Variants in TAF1C observed in about 807,000 individuals in gnomAD.
The protein encoded by TAF1C is TATA box-binding protein-associated factor RNA polymerase I subunit C.
TAF1C carries 79 observed loss-of-function variants against 70.5 expected under a neutral mutation model. The observed-to-expected ratio is 1.12, with a 90% CI of 0.93 to 1.35. TAF1C has a LOEUF of 1.35. Among genes scored for constraint, TAF1C ranks in the 40% most tolerant of loss-of-function variants. The pLI is 0.00. For synonymous variants in TAF1C, 614 were observed against 491.1 expected (o/e 1.25, Z -3.31); for missense variants, 1,412 against 1,127.8 (o/e 1.25, Z -3.61).
intron 10 of TAF1C, 36 bp from the exon 11 acceptor site, chr16:84,181,499 G>T: frequency 6.2e-7 from 1 of 1,613,714 alleles, no homozygotes; most frequent in African/African-American, 1.3e-5. Context: ...CAGGGGGACA[G>T]GCTGATGGGG....
Position 84,179,934 on chromosome 16 carries a change from C to A in TAF1C, c.1621+12G>T, listed in dbSNP as rs570039965. Reference sequence around the variant, plus strand: ...ACTGCGCCCCCCAAGCTCACTCCCCCACCCAGCACACCTATGGTCGGTGCT... The same window carrying A: ...ACTGCGCCCCCCAAGCTCACTCCCCAACCCAGCACACCTATGGTCGGTGCT... On this transcript the variant is annotated intron_variant, in intron 14 of 14. Transcript: ENST00000566732. The A allele has an allele frequency of 3.1e-6, 5 of 1,592,176 alleles. No homozygotes were observed. The highest frequency in any genetic ancestry group is 1.1e-5 in the South Asian group (1 of 90,274).
In TAF1C at chr16:84,179,637, C is replaced by T. The variant is rs1189512972; in HGVS notation, c.1836G>A (p.Gln612=). The T allele has an allele frequency of 6.2e-7, 1 of 1,612,512 alleles. No individual in the cohort carries two copies. Among genetic ancestry groups the T allele is most frequent in the South Asian group, 1.1e-5 (1 of 91,050 alleles). The change falls in exon 15 of 15, where the codon CAG becomes CAA. Residue 612 remains glutamine, a synonymous_variant. Transcript: ENST00000566732. ...WTSQDTAGCS[Q]WLKALLKVPL... ...GCACTTTTAGCAGGGCCTTCAGCCA[C>T]TGGCTGCAGCCGGCAGTGTCCTGGG...
At chr16:84,184,288 AC>A (rs769867770) in intron 2 of TAF1C, among the ~76,000 whole-genome samples, 21 of 151,792 alleles carry the variant, frequency 1.4e-4, no homozygotes, top group Non-Finnish European at 2.8e-4. Flanking sequence ...GCCATCCCTG[AC>A]CCCCGTTCCC....
chr16:84,181,718 C>T, intron 9 of TAF1C, 28 bp downstream of exon 9: 1 of 1,613,862 alleles, frequency 6.2e-7, no homozygotes, highest in Non-Finnish European at 8.5e-7. Flanking sequence ...TCCAGCCCCT[C>T]CTCACCGACC....
In TAF1C at chr16:84,179,793, G is replaced by T; in HGVS notation, c.1680C>A (p.Phe560Leu). The T allele has an allele frequency of 6.2e-7, 1 of 1,610,428 alleles. No homozygotes were observed. Among genetic ancestry groups the T allele is most frequent in the East Asian group, 2.2e-5 (1 of 44,838 alleles). Residue 560 changes from phenylalanine (F) to leucine (L), a missense_variant, in exon 15 of 15, where the codon TTC (phenylalanine) becomes TTA (leucine). Transcript: ENST00000566732. The part of the protein sequence containing the change: ...PSAPTPGLVL[F>L]QLSAAGDVFY... ...AGACATCTCCCGCCGCCGAGAGCTG[G>T]AAGAGCACCAGGCCTGGTGTGGGCG...
At position 84,180,831 on chromosome 16, in the gene TAF1C, T is replaced by C. The variant is rs1406794210; in HGVS notation, c.1308+212A>G. ...CACCCCTGGCTGCACCTCGAAGCTC[T>C]ACTAAGGGGAGGCCCTGGGAGAGCT... On this transcript the variant is annotated intron_variant, in intron 12 of 14. Coordinates refer to ENST00000566732, the MANE Select transcript of TAF1C (RefSeq NM_001243156.2). 90 of 1,387,016 alleles carry C rather than the reference T, an allele frequency of 6.5e-5. No homozygotes were observed. The East Asian group carries it at 2.4e-3, about 37-fold the overall frequency. The allele number at this position is 1,387,016 out of a possible 1,614,324, so 85.9% of individuals were successfully genotyped here.
Position 84,183,487 on chromosome 16 carries a change from T to G in TAF1C, c.241A>C (p.Thr81Pro), listed in dbSNP as rs895549795. Residue 81 changes from threonine to proline, a missense_variant, in exon 4 of 15, where the codon ACT (threonine) becomes CCT (proline). Transcript: ENST00000566732. ...CCGCGGAAAAGCAGGTCCCGGGCAG[T>G]CAGGCCAGGGTCCCAGGGATCTGAG... is the stretch of plus-strand genomic sequence containing the variant. ...PLIDPWDPGL[T>P]ARDLLFRGGC... 14 of 1,610,926 alleles carry G rather than the reference T, an allele frequency of 8.7e-6. No individual in the cohort carries two copies. In the Admixed American group the frequency reaches 1.3e-4, roughly 15 times the overall value.
chr16:84,181,254 C>G, intron 11 of TAF1C, 68 bp from the exon 12 acceptor site: 2 of 1,598,130 alleles, frequency 1.3e-6, no homozygotes, highest in Non-Finnish European at 8.6e-7. Flanking sequence ...TCGCCCAGGC[C>G]GCAGCCAGCC....
chr16:84,184,807 G>A (rs1360781308), intron 2 of TAF1C, 44 bp downstream of exon 2: 1 of 1,553,574 alleles, frequency 6.4e-7, no homozygotes. Context: ...ACCCAGGGAA[G>A]GGATGTCCCT....
intron 2 of TAF1C, among the ~76,000 whole-genome samples, chr16:84,184,605 A>AGG (rs1186182517): frequency 6.6e-6 from 1 of 152,276 alleles, no homozygotes; most frequent in East Asian, 1.9e-4. Context: ...CCAGGAAGGG[A>AGG]GGGGTCAACC....
rs202147793 is a variant in TAF1C at position 84,181,680 on chromosome 16, C to A, written c.957-17G>T. On this transcript the variant is annotated splice_polypyrimidine_tract_variant and intron_variant, in intron 9 of 14. Coordinates refer to ENST00000566732, the MANE Select transcript of TAF1C (RefSeq NM_001243156.2). ...AGGTGAGGGCTACAGGGCAGGAATGCATTCACATCGGGCTGCTCAGCCCTG... is the reference window on the plus strand; with the variant it reads ...AGGTGAGGGCTACAGGGCAGGAATGAATTCACATCGGGCTGCTCAGCCCTG... 3.7e-6 allele frequency: 6 copies of A among 1,613,986 alleles called. No individual in the cohort carries two copies. Among genetic ancestry groups the A allele is most frequent in the Non-Finnish European group, 5.1e-6 (6 of 1,179,968 alleles).
intron 2 of TAF1C, among the ~76,000 whole-genome samples, 176 bp downstream of exon 2, chr16:84,184,675 G>A (rs1037250464): frequency 3.3e-5 from 5 of 152,204 alleles, no homozygotes; most frequent in Admixed American, 6.5e-5. Context: ...GGGGGCATCC[G>A]TCTAGGGATG....
rs1470956716 is a variant in TAF1C at position 84,184,894 on chromosome 16, C to T, written c.95G>A (p.Arg32Gln). 6 of 1,612,364 alleles carry T rather than the reference C, an allele frequency of 3.7e-6. No homozygotes were observed. Among genetic ancestry groups the T allele is most frequent in the South Asian group, 1.1e-5 (1 of 90,682 alleles). ...GGCCTCTGGCAGAGTCAGTGCGTCT[C>T]GCCAGCTGCACATGAAAGAGAGGTC... ...VPDLSFMCSW[R>Q]DALTLPEAQP... is the part of the protein sequence containing the mutation. The change falls in exon 2 of 15, where the codon CGA becomes CAA. Residue 32 changes from arginine to glutamine, a missense_variant. Coordinates refer to ENST00000566732, the MANE Select transcript of TAF1C (RefSeq NM_001243156.2).
rs1306204295 is a variant in TAF1C at position 84,177,932 on chromosome 16, A to T, written c.*1009T>A. The T allele has an allele frequency of 1.9e-6, 2 of 1,078,006 alleles. No homozygotes were observed. The highest frequency in any genetic ancestry group is 2.8e-6 in the Non-Finnish European group (2 of 707,374). 66.8% of individuals were successfully genotyped at this position (1,078,006 alleles called of 1,614,324 possible). The stretch of plus-strand genomic sequence containing the variant: ...TTTTAACACCCACGCGAGTCAGTGT[A>T]TGATTGGGCTAGCTCCTGTTTGTGT... On this transcript the variant is annotated 3_prime_UTR_variant, in exon 15 of 15. Coordinates refer to ENST00000566732, the MANE Select transcript of TAF1C (RefSeq NM_001243156.2).
chr16:84,183,867 A>T (rs1162802798), intron 2 of TAF1C, 89 bp from the exon 3 acceptor site: 2 of 961,388 alleles, frequency 2.1e-6, no homozygotes, highest in Admixed American at 2.4e-5. Context: ...TTATCAACTC[A>T]TCCAATCCTC....
Position 84,178,841 on chromosome 16 carries a change from G to T in TAF1C, c.*100C>A, listed in dbSNP as rs948952660. ...TCATCACAGTGGCCTCCAGAAGGTGGCGAGCTCTGCTTCTCAAGTTTCAAC... is the reference window on the plus strand; with the variant it reads ...TCATCACAGTGGCCTCCAGAAGGTGTCGAGCTCTGCTTCTCAAGTTTCAAC... On this transcript the variant is annotated 3_prime_UTR_variant, in exon 15 of 15. Coordinates refer to ENST00000566732, the MANE Select transcript of TAF1C (RefSeq NM_001243156.2). The T allele has an allele frequency of 1.5e-6, 2 of 1,350,584 alleles. No individual in the cohort carries two copies. The highest frequency in any genetic ancestry group is 2.9e-5 in the South Asian group (2 of 68,826). 83.7% of individuals were successfully genotyped at this position (1,350,584 alleles called of 1,614,324 possible).
intron 10 of TAF1C, 23 bp downstream of exon 10, chr16:84,181,569 G>T: frequency 1.2e-6 from 2 of 1,613,908 alleles, no homozygotes; most frequent in East Asian, 2.2e-5. Context: ...TAGGGTGGGG[G>T]GTTTCACAGG....
At chr16:84,183,831 C>G in intron 2 of TAF1C, 53 bp from the exon 3 acceptor site, 1 of 1,415,308 alleles carries the variant, frequency 7.1e-7, no homozygotes, top group Non-Finnish European at 9.8e-7. Flanking sequence ...CCTCCCTGGG[C>G]CAGGCTGTGC....
In TAF1C at chr16:84,185,248, G is replaced by A. The variant is rs563510265; in HGVS notation, c.-72-188C>T. ...AGCAAAGCCAGCCAGGAAAAGCCTC[G>A]TTGAGAAGGTGGCGTTTGAGCACAG... On this transcript the variant is annotated intron_variant, in intron 1 of 14. Transcript: ENST00000566732. 10 of 372,696 alleles carry A rather than the reference G, an allele frequency of 2.7e-5. No homozygotes were observed. In the Admixed American group the frequency reaches 3.1e-4, roughly 12 times the overall value. 23.1% of individuals were successfully genotyped at this position (372,696 alleles called of 1,614,324 possible).
Sources: gnomAD v4.1 joint callset for allele counts (sites outside exome capture counted in the v4.1 genomes callset) on GRCh38, gnomAD v4.1.1 for gene constraint, MANE v1.5 for transcripts, NCBI Gene and HGNC (gene_info 2026-07-23, HGNC 2026-07-21) for gene names.